Variants in DYRK1A observed in about 807,000 individuals in gnomAD.
DYRK1A encodes the protein dual specificity tyrosine phosphorylation regulated kinase 1A, also known as dual specificity tyrosine-phosphorylation-regulated kinase 1A.
A neutral mutation model predicts 79.7 loss-of-function variants in DYRK1A; 9 were observed. The observed-to-expected ratio is 0.11, with a 90% CI of 0.07 to 0.20. The LOEUF (loss-of-function observed/expected upper bound fraction) is 0.20. Among genes scored for constraint, DYRK1A ranks in the 10% least tolerant of loss-of-function variants. DYRK1A has a pLI of 1.00. For missense variants in DYRK1A, 622 were observed against 956.0 expected, an observed-to-expected ratio of 0.65 and a Z score of 4.61; for synonymous variants, 349 against 329.7, an observed-to-expected ratio of 1.06 and a Z score of -0.63.
At chr21:37,372,751 T>TC (rs1282414495) in intron 1 of DYRK1A, among the ~76,000 whole-genome samples, 1 of 152,180 alleles carries the variant, frequency 6.6e-6, no homozygotes, top group Admixed American at 6.5e-5. Flanking sequence ...TTCTTTCTCC[T>TC]CCTTTTTTCT....
chr21:37,385,830 C>T (rs2049749147), intron 1 of DYRK1A, among the ~76,000 whole-genome samples: 4 of 152,146 alleles, frequency 2.6e-5, no homozygotes, highest in Admixed American at 2.6e-4. Flanking sequence ...CCCTCTGTTT[C>T]TGCTCTTCTT....
chr21:37,506,434 A>G (rs984495528), intron 11 of DYRK1A: 6 of 1,414,108 alleles, frequency 4.2e-6, no homozygotes, highest in Middle Eastern at 2.6e-4. Context: ...TATTGGGGGC[A>G]TAACAGTTGT....
At chr21:37,503,974 A>G (rs1206758759) in intron 9 of DYRK1A, 1 of 152,124 alleles carries the variant, frequency 6.6e-6, no homozygotes, top group African/African-American at 2.4e-5. Flanking sequence ...ATGTGTGACA[A>G]ATTTTCTTTG....
At chr21:37,420,201 C>A in intron 1 of DYRK1A, 98 bp from the exon 2 acceptor site, 1 of 422,896 alleles carries the variant, frequency 2.4e-6, no homozygotes, top group Non-Finnish European at 4.1e-6. Context: ...TAATTTTATT[C>A]TTTATGTTTT....
intron 2 of DYRK1A, among the ~76,000 whole-genome samples, chr21:37,433,891 C>A (rs1175541895): frequency 1.3e-5 from 2 of 152,090 alleles, no homozygotes; most frequent in African/African-American, 4.8e-5. Context: ...AATATAGTTT[C>A]TTTGTTTCTA....
intron 1 of DYRK1A, among the ~76,000 whole-genome samples, chr21:37,413,566 C>A (rs1011586845): frequency 6.6e-6 from 1 of 152,040 alleles, no homozygotes; most frequent in Non-Finnish European, 1.5e-5. Flanking sequence ...CATATTCTTT[C>A]TAAATGTCTT....
intron 1 of DYRK1A, among the ~76,000 whole-genome samples, chr21:37,385,420 A>C (rs926361229): frequency 6.6e-6 from 1 of 152,230 alleles, no homozygotes. Context: ...GTACGCTGTC[A>C]ATCAGCAAAC....
chr21:37,469,408 A>G (rs1174794471), intron 2 of DYRK1A, among the ~76,000 whole-genome samples: 16 of 152,228 alleles, frequency 1.1e-4, no homozygotes, highest in Non-Finnish European at 1.5e-5. Context: ...AAGGTAATGG[A>G]CAAACTGCAG....
At chr21:37,371,121 C>T (rs981099670) in intron 1 of DYRK1A, among the ~76,000 whole-genome samples, 2 of 152,148 alleles carry the variant, frequency 1.3e-5, no homozygotes, top group Non-Finnish European at 2.9e-5. Flanking sequence ...AAAATTTCTC[C>T]TCAGTTGCTC....
chr21:37,428,121 C>G (rs2050678446), intron 2 of DYRK1A, among the ~76,000 whole-genome samples: 1 of 152,152 alleles, frequency 6.6e-6, no homozygotes, highest in Non-Finnish European at 1.5e-5. Flanking sequence ...AGGGATGGAG[C>G]TGGGGAGCAA....
chr21:37,414,565 G>A (rs1465415374), intron 1 of DYRK1A, among the ~76,000 whole-genome samples: 1 of 152,082 alleles, frequency 6.6e-6, no homozygotes, highest in East Asian at 1.9e-4. Context: ...GGTCTTCTGG[G>A]CCTGGAACAA....
intron 1 of DYRK1A, among the ~76,000 whole-genome samples, chr21:37,377,277 G>A (rs1602360876): frequency 6.6e-6 from 1 of 151,806 alleles, no homozygotes; most frequent in Non-Finnish European, 1.5e-5. Flanking sequence ...CTGCCACCAC[G>A]CCCGGCTAAT....
chr21:37,368,690 G>A (rs2049368121), intron 1 of DYRK1A, among the ~76,000 whole-genome samples: 1 of 152,210 alleles, frequency 6.6e-6, no homozygotes, highest in South Asian at 2.1e-4. Flanking sequence ...TAGATGAGGA[G>A]AGTGAGTCTG....
At chr21:37,503,126 G>T (rs1049563087) in intron 9 of DYRK1A, 4 of 151,934 alleles carry the variant, frequency 2.6e-5, no homozygotes, top group Non-Finnish European at 4.4e-5. Flanking sequence ...TTTCTCCTGG[G>T]AGTTCACTGA....
At position 37,502,934 on chromosome 21, in the gene DYRK1A, A is replaced by C. The variant is rs538749048; in HGVS notation, c.1213-2349A>C. On this transcript the variant is annotated intron_variant, in intron 9 of 11. Coordinates refer to ENST00000647188, the MANE Select transcript of DYRK1A (RefSeq NM_001347721.2). ...AGAAAAAGATGTTACGATATAGCTT[A>C]AAGATGTATTGACTTTTTTTCTGGA... is the stretch of plus-strand genomic sequence containing the variant. The C allele has an allele frequency of 1.4e-3, 214 of 152,336 alleles. 1 individual carries two copies. The highest frequency in any genetic ancestry group is 4.9e-3 in the African/African-American group (205 of 41,584). 9.4% of individuals were successfully genotyped at this position (152,336 alleles called of 1,614,324 possible).
chr21:37,511,697 C>CTT (rs1322451722), intron 11 of DYRK1A, among the ~76,000 whole-genome samples: 2 of 152,144 alleles, frequency 1.3e-5, no homozygotes, highest in Non-Finnish European at 2.9e-5. Flanking sequence ...AAGGATATAA[C>CTT]TTCCTAAAAA....
Position 37,475,564 on chromosome 21 carries a change from T to A in DYRK1A, c.208-2644T>A, listed in dbSNP as rs572413246. On this transcript the variant is annotated intron_variant, in intron 3 of 11. Transcript: ENST00000647188. ...AAAGCATAGGGAGTATTACTTGCTT[T>A]GTAGACATTTATTTGTTCTTTCCAT... 2.7e-4 allele frequency among the ~76,000 whole-genome samples: 41 copies of A among 152,370 alleles called. 1 individual carries two copies. The highest frequency in any genetic ancestry group is 2.0e-3 in the Admixed American group (30 of 15,308).
chr21:37,454,452 C>T (rs1285267315), intron 2 of DYRK1A, among the ~76,000 whole-genome samples: 1 of 152,102 alleles, frequency 6.6e-6, no homozygotes, highest in Admixed American at 6.5e-5. Flanking sequence ...GGAGCAACCT[C>T]TGTCAATAGT....
intron 2 of DYRK1A, chr21:37,425,814 A>C (rs1391303370): frequency 1.3e-5 from 2 of 152,190 alleles, no homozygotes; most frequent in African/African-American, 4.8e-5. Flanking sequence ...TGATAGCAAG[A>C]CCTGTGTGGT....
Sources: gnomAD v4.1 joint callset for allele counts (sites outside exome capture counted in the v4.1 genomes callset) on GRCh38, gnomAD v4.1.1 for gene constraint, MANE v1.5 for transcripts, NCBI Gene and HGNC (gene_info 2026-07-23, HGNC 2026-07-21) for gene names.